SECISBP2L: variants seen among roughly 807,000 people sequenced by gnomAD.
SECISBP2L encodes SECIS binding protein 2 like.
A neutral mutation model predicts 114.7 loss-of-function variants in SECISBP2L; 43 were observed. The observed-to-expected ratio is 0.38, with a 90% CI of 0.29 to 0.48. The LOEUF (loss-of-function observed/expected upper bound fraction) is 0.48, where lower values mean the gene tolerates loss of function less well. Ranked by LOEUF, SECISBP2L falls within the 20% of genes least tolerant of loss-of-function variation. SECISBP2L has a pLI of 0.98. For synonymous variants in SECISBP2L, 451 were observed against 439.7 expected (o/e 1.03, Z -0.32); for missense variants, 1,136 against 1,301.1 (o/e 0.87, Z 1.95).
At chr15:49,011,586 A>C in intron 13 of SECISBP2L, 145 bp downstream of exon 13, 3 of 970,872 alleles carry the variant, frequency 3.1e-6, no homozygotes, top group Non-Finnish European at 4.5e-6. Flanking sequence ...GCATCTTTAA[A>C]AGAAACCACT....
chr15:49,043,172 C>A lies in SECISBP2L; in HGVS notation c.24+3104G>T, dbSNP rs560550169. Among the ~76,000 whole-genome samples, 261 of 152,238 alleles carry A rather than the reference C, an allele frequency of 1.7e-3. 2 individuals carry two copies. Among genetic ancestry groups the A allele is most frequent in the African/African-American group, 6.1e-3 (253 of 41,532 alleles). ...ACTTATATCCTTACGTAAGGGCCAA[C>A]TATACGTATTACTGAATAATAAACA... On this transcript the variant is annotated intron_variant, in intron 1 of 17. Coordinates refer to ENST00000559471, the MANE Select transcript of SECISBP2L (RefSeq NM_001193489.2).
chr15:49,041,473 T>C (rs936226012), intron 1 of SECISBP2L, among the ~76,000 whole-genome samples: 1 of 152,178 alleles, frequency 6.6e-6, no homozygotes, highest in Admixed American at 6.6e-5. Context: ...CCTATATAAT[T>C]CAACAAACGT....
chr15:49,042,269 A>T (rs1285658029), intron 1 of SECISBP2L: 1 of 152,158 alleles, frequency 6.6e-6, no homozygotes, highest in Non-Finnish European at 1.5e-5. Flanking sequence ...GGCATTTATG[A>T]CTATGCATTT....
Position 48,996,354 on chromosome 15 carries a change from T to C in SECISBP2L, c.2623+13A>G. 6.2e-7 allele frequency: 1 copy of C among 1,607,662 alleles called. No homozygotes were observed. Among genetic ancestry groups the C allele is most frequent in the Non-Finnish European group, 8.5e-7 (1 of 1,174,586 alleles). On this transcript the variant is annotated intron_variant, in intron 17 of 17. Coordinates refer to ENST00000559471, the MANE Select transcript of SECISBP2L (RefSeq NM_001193489.2). ...ATGGTTTAAGTCATTTAAAATAGTA[T>C]TCAACAACTTACCATATTCCTTTTC...
rs538573955 is a variant in SECISBP2L, at chr15:49,015,482, C to T, written c.1561+1078G>A. ...TATACACTGTAATTTATCTTTCTGT[C>T]TAATAAGTAATAGTCCCTTCACACA... On this transcript the variant is annotated intron_variant, in intron 11 of 17. Coordinates refer to ENST00000559471, the MANE Select transcript of SECISBP2L (RefSeq NM_001193489.2). 2.6e-5 allele frequency among the ~76,000 whole-genome samples: 4 copies of T among 152,214 alleles called. No homozygotes were observed. The East Asian group carries it at 7.7e-4, about 29-fold the overall frequency.
intron 3 of SECISBP2L, among the ~76,000 whole-genome samples, chr15:49,033,923 T>C (rs758304977): frequency 8.5e-5 from 13 of 152,206 alleles, no homozygotes; most frequent in Non-Finnish European, 1.8e-4. Context: ...ACTTACACAA[T>C]AGAACTCTGA....
chr15:49,012,819 T>A lies in SECISBP2L; in HGVS notation c.1562-2A>T. On this transcript the variant is annotated splice_acceptor_variant, in intron 11 of 17. Transcript: ENST00000559471. LOFTEE classifies it high-confidence loss of function. ...TGTGAAAAGAAGCTGCAGTAACCAC[T>A]AAAAACAAAGAGGAACATTAGTTTC... is the stretch of plus-strand genomic sequence containing the variant. 3 of 1,602,572 alleles carry A rather than the reference T, an allele frequency of 1.9e-6. No homozygotes were observed. The highest frequency in any genetic ancestry group is 2.5e-6 in the Non-Finnish European group (3 of 1,177,376).
intron 11 of SECISBP2L, among the ~76,000 whole-genome samples, chr15:49,014,667 G>C (rs991052077): frequency 2.6e-5 from 4 of 151,196 alleles, no homozygotes; most frequent in African/African-American, 9.7e-5. Flanking sequence ...TTTTCATCAT[G>C]ATCAGTCTCA....
Position 49,009,378 on chromosome 15 carries a change from T to C in SECISBP2L, c.1865A>G (p.Asp622Gly), listed in dbSNP as rs774554081. The C allele has an allele frequency of 2.3e-5, 37 of 1,610,914 alleles. No individual in the cohort carries two copies. The highest frequency in any genetic ancestry group is 2.9e-5 in the Non-Finnish European group (34 of 1,178,962). The change falls in exon 14 of 18, where the codon GAT (aspartate) becomes GGT (glycine). Residue 622 changes from aspartate (D) to glycine (G), a missense_variant and splice_region_variant. Coordinates refer to ENST00000559471, the MANE Select transcript of SECISBP2L (RefSeq NM_001193489.2). Reference sequence around the variant, plus strand: ...ATCACTGGGCATGCTTAGTCCAGTATCTGTGGAGATGTGGAGTGAAGGGAA... The same window carrying C: ...ATCACTGGGCATGCTTAGTCCAGTACCTGTGGAGATGTGGAGTGAAGGGAA... ...DLPQEIVSQE[D>G]TGLSMPSDTS... is the part of the protein sequence containing the mutation.
intron 7 of SECISBP2L, among the ~76,000 whole-genome samples, chr15:49,024,542 G>A (rs1412551706): frequency 6.7e-6 from 1 of 150,270 alleles, no homozygotes; most frequent in East Asian, 1.9e-4. Context: ...CACTAAAATG[G>A]AAACACAAAC....
chr15:49,017,998 C>T (rs982887100), intron 8 of SECISBP2L, among the ~76,000 whole-genome samples: 2 of 152,100 alleles, frequency 1.3e-5, no homozygotes, highest in African/African-American at 4.8e-5. Flanking sequence ...TTAATATACT[C>T]CTTGTTCTGC....
At chr15:49,000,126 C>T in intron 15 of SECISBP2L, 139 bp from the exon 16 acceptor site, 2 of 763,024 alleles carry the variant, frequency 2.6e-6, no homozygotes, top group African/African-American at 3.5e-5. Flanking sequence ...ACACATTATC[C>T]TATTTAATTT....
intron 7 of SECISBP2L, among the ~76,000 whole-genome samples, chr15:49,021,944 G>A (rs956357785): frequency 1.3e-4 from 20 of 152,018 alleles, no homozygotes; most frequent in Admixed American, 7.2e-4. Context: ...CAGAAGCTAC[G>A]GCTTTGAATA....
intron 7 of SECISBP2L, among the ~76,000 whole-genome samples, chr15:49,020,137 G>C (rs1293999218): frequency 6.6e-6 from 1 of 152,176 alleles, no homozygotes; most frequent in Non-Finnish European, 1.5e-5. Flanking sequence ...ACTGTATCGA[G>C]GCCAATATCT....
intron 13 of SECISBP2L, among the ~76,000 whole-genome samples, chr15:49,010,446 T>C (rs1437615317): frequency 6.6e-6 from 1 of 152,136 alleles, no homozygotes. Context: ...CTCAGGAAAT[T>C]AGTTTGTATT....
chr15:48,994,002 G>C (rs1210417692), intron 17 of SECISBP2L, among the ~76,000 whole-genome samples: 1 of 151,568 alleles, frequency 6.6e-6, no homozygotes, highest in Admixed American at 6.6e-5. Flanking sequence ...TATTGATATA[G>C]AACATGTTTT....
At chr15:49,044,388 C>T (rs1001861734) in intron 1 of SECISBP2L, among the ~76,000 whole-genome samples, 3 of 152,070 alleles carry the variant, frequency 2.0e-5, no homozygotes, top group African/African-American at 7.2e-5. Context: ...CTTAGCCGTC[C>T]TTTGAGAATA....
intron 1 of SECISBP2L, among the ~76,000 whole-genome samples, chr15:49,044,143 T>C (rs1435758473): frequency 6.6e-6 from 1 of 152,134 alleles, no homozygotes; most frequent in Non-Finnish European, 1.5e-5. Context: ...ATTCTGAGTA[T>C]GTCAACACTG....
intron 16 of SECISBP2L, among the ~76,000 whole-genome samples, chr15:48,999,612 C>T (rs536405903): frequency 2.0e-5 from 3 of 152,098 alleles, no homozygotes; most frequent in African/African-American, 2.4e-5. Flanking sequence ...GGCAGAAATA[C>T]GAACTAAAAC....
Sources: gnomAD v4.1 joint callset for allele counts (sites outside exome capture counted in the v4.1 genomes callset) on GRCh38, gnomAD v4.1.1 for gene constraint, MANE v1.5 for transcripts, NCBI Gene and HGNC (gene_info 2026-07-23, HGNC 2026-07-21) for gene names.